Variants in MARCHF10 observed in about 807,000 individuals in gnomAD.
MARCHF10 encodes the protein membrane associated ring-CH-type finger 10.
Under a neutral mutation model 76.2 loss-of-function variants are expected in MARCHF10, and 64 were observed. The observed-to-expected ratio is 0.84, with a 90% CI of 0.69 to 1.03. The LOEUF (loss-of-function observed/expected upper bound fraction) is 1.03, where lower values mean the gene tolerates loss of function less well. Among genes scored for constraint, MARCHF10 ranks in the 50% least tolerant of loss-of-function variants. The pLI is 0.00. For synonymous variants in MARCHF10, 340 were observed against 357.5 expected (o/e 0.95, Z 0.55); for missense variants, 875 against 958.0 (o/e 0.91, Z 1.14).
At chr17:62,763,813 G>T (rs1476788628) in intron 3 of MARCHF10, among the ~76,000 whole-genome samples, 1 of 152,178 alleles carries the variant, frequency 6.6e-6, no homozygotes, top group African/African-American at 2.4e-5. Context: ...ACAAAGCCAT[G>T]TTAACTAAAA....
At position 62,736,310 on chromosome 17, in the gene MARCHF10, T is replaced by G. The variant is rs956321415; in HGVS notation, c.1558A>C (p.Thr520Pro). ...CQPLSPIRNR[T>P]PFASAENHNY... ...TGGTTTTCGGCACTGGCAAATGGAG[T>G]CCTATTTCTAATGGGAGACAGTGGT... Residue 520 changes from threonine (T) to proline (P), a missense_variant, in exon 6 of 11, where the codon ACT becomes CCT. Transcript: ENST00000311269. 2 of 1,613,978 alleles carry G rather than the reference T, an allele frequency of 1.2e-6. No homozygotes were observed. The highest frequency in any genetic ancestry group is 1.7e-6 in the Non-Finnish European group (2 of 1,180,038).
intron 3 of MARCHF10, among the ~76,000 whole-genome samples, chr17:62,779,437 T>C (rs1398074014): frequency 6.6e-6 from 1 of 152,192 alleles, no homozygotes; most frequent in Non-Finnish European, 1.5e-5. Flanking sequence ...GACAGATTAA[T>C]GGGAGGATGT....
chr17:62,790,116 C>T (rs1233180451), intron 2 of MARCHF10, among the ~76,000 whole-genome samples: 1 of 152,012 alleles, frequency 6.6e-6, no homozygotes. Context: ...ACTGAACAAA[C>T]CTGAGGATAT....
At chr17:62,744,755 C>T (rs575418037) in intron 4 of MARCHF10, among the ~76,000 whole-genome samples, 18 of 152,212 alleles carry the variant, frequency 1.2e-4, no homozygotes, top group Non-Finnish European at 4.4e-5. Flanking sequence ...AGTTTCCCTA[C>T]CTGCTACATG....
chr17:62,736,578 C>T lies in MARCHF10; in HGVS notation c.1290G>A (p.Arg430=). 1.2e-6 allele frequency: 2 copies of T among 1,614,188 alleles called. No homozygotes were observed. The highest frequency in any genetic ancestry group is 1.7e-6 in the Non-Finnish European group (2 of 1,180,030). ...VWSDCISVEH[R]PGTHDSEGYW... is the part of the protein sequence containing the mutation. The stretch of plus-strand genomic sequence containing the variant: ...ATCCTTCAGAATCATGGGTGCCAGG[C>T]CTATGTTCCACAGAAATACAATCAC... Residue 430 remains arginine, a synonymous_variant, in exon 6 of 11, where the codon AGG becomes AGA. Transcript: ENST00000311269.
At chr17:62,747,082 G>T in intron 4 of MARCHF10, 1 of 791,588 alleles carries the variant, frequency 1.3e-6, no homozygotes. Flanking sequence ...CAACTAGCCT[G>T]CACGCTCCTT....
chr17:62,796,294 C>A (rs149138109), intron 2 of MARCHF10, among the ~76,000 whole-genome samples: 1 of 152,148 alleles, frequency 6.6e-6, no homozygotes, highest in Non-Finnish European at 1.5e-5. Context: ...GCCCGGCCTA[C>A]ATCATGCAAT....
intron 3 of MARCHF10, among the ~76,000 whole-genome samples, chr17:62,771,242 G>A (rs1359696910): frequency 3.9e-5 from 6 of 152,132 alleles, no homozygotes; most frequent in African/African-American, 1.4e-4. Context: ...AACATGGAAT[G>A]GGGGATGGAG....
intron 3 of MARCHF10, among the ~76,000 whole-genome samples, chr17:62,764,211 G>A (rs2092276402): frequency 6.6e-6 from 1 of 152,184 alleles, no homozygotes; most frequent in African/African-American, 2.4e-5. Context: ...AGTAGACTAA[G>A]GCAGTCGGGG....
At chr17:62,805,924 T>A (rs1005066220) in intron 1 of MARCHF10, among the ~76,000 whole-genome samples, 3 of 150,436 alleles carry the variant, frequency 2.0e-5, no homozygotes, top group African/African-American at 7.3e-5. Flanking sequence ...AAAATAATAA[T>A]AATAATAATA....
At chr17:62,744,275 TA>T in intron 5 of MARCHF10, 100 bp downstream of exon 5, 1 of 1,305,546 alleles carries the variant, frequency 7.7e-7, no homozygotes, top group Non-Finnish European at 1.1e-6. Context: ...CTCATTTACT[TA>T]AAAGTACAAG....
intron 3 of MARCHF10, among the ~76,000 whole-genome samples, chr17:62,783,202 T>TTTC (rs2092691214): frequency 6.9e-6 from 1 of 145,126 alleles, no homozygotes; most frequent in African/African-American, 2.6e-5. Flanking sequence ...CAGTTTTTTT[T>TTTC]TTTTTTTTTT....
rs1179210926 is a variant in MARCHF10 at position 62,788,602 on chromosome 17, G to A, written c.91-3C>T. ...TATTCCTGTCGTCTCAGACAAGCCT[G>A]AAGAACAACAACAATAAAATGTTTG... On this transcript the variant is annotated splice_region_variant and splice_polypyrimidine_tract_variant and intron_variant, in intron 2 of 10. Coordinates refer to ENST00000311269, the MANE Select transcript of MARCHF10 (RefSeq NM_152598.4). The A allele has an allele frequency of 6.2e-7, 1 of 1,613,924 alleles. No individual in the cohort carries two copies.
intron 8 of MARCHF10, chr17:62,714,498 G>A: frequency 1.3e-6 from 1 of 745,544 alleles, no homozygotes; most frequent in Non-Finnish European, 1.6e-6. Context: ...ATCTGTGAGG[G>A]CAAGACCTGC....
intron 8 of MARCHF10, among the ~76,000 whole-genome samples, chr17:62,714,955 C>T (rs2090119970): frequency 4.6e-5 from 7 of 152,158 alleles, no homozygotes; most frequent in Admixed American, 4.6e-4. Flanking sequence ...CACATTTGGC[C>T]AGGCTGGTCT....
chr17:62,730,806 A>G (rs1169530989), intron 6 of MARCHF10, among the ~76,000 whole-genome samples: 1 of 152,144 alleles, frequency 6.6e-6, no homozygotes, highest in East Asian at 1.9e-4. Flanking sequence ...AGGCAGGAGA[A>G]TCACTTGAAC....
chr17:62,709,530 C>T (rs749429884), intron 9 of MARCHF10, among the ~76,000 whole-genome samples: 1 of 151,362 alleles, frequency 6.6e-6, no homozygotes, highest in Non-Finnish European at 1.5e-5. Flanking sequence ...ATCACTGGGT[C>T]TCTTCATGAG....
At chr17:62,779,452 C>T (rs572653948) in intron 3 of MARCHF10, among the ~76,000 whole-genome samples, 1 of 152,252 alleles carries the variant, frequency 6.6e-6, no homozygotes, top group East Asian at 1.9e-4. Flanking sequence ...GGATGTCTCC[C>T]CAAGAGCCGT....
chr17:62,744,909 C>A (rs1416709104), intron 4 of MARCHF10, among the ~76,000 whole-genome samples: 1 of 144,824 alleles, frequency 6.9e-6, no homozygotes, highest in East Asian at 2.3e-4. Context: ...GAGGCTGAGG[C>A]AGGAGAATTG....
Sources: gnomAD v4.1 joint callset for allele counts (sites outside exome capture counted in the v4.1 genomes callset) on GRCh38, gnomAD v4.1.1 for gene constraint, MANE v1.5 for transcripts, NCBI Gene and HGNC (gene_info 2026-07-23, HGNC 2026-07-21) for gene names.